HCK: variants seen among roughly 807,000 people sequenced by gnomAD.
The protein encoded by HCK is HCK proto-oncogene, Src family tyrosine kinase, also known as tyrosine-protein kinase HCK.
A neutral mutation model predicts 70.4 loss-of-function variants in HCK; 40 were observed. The ratio of observed to expected loss-of-function variants is 0.57; its 90% confidence interval spans 0.44 to 0.74. The LOEUF (loss-of-function observed/expected upper bound fraction) is 0.74, where lower values mean the gene tolerates loss of function less well. Ranked by LOEUF, HCK falls within the 30% of genes least tolerant of loss-of-function variation. The pLI is 0.00. For synonymous variants in HCK, 245 were observed against 263.2 expected (o/e 0.93, Z 0.67); for missense variants, 568 against 697.2 (o/e 0.81, Z 2.09).
chr20:32,056,563 C>T (rs990320955), intron 1 of HCK, among the ~76,000 whole-genome samples: 1 of 151,898 alleles, frequency 6.6e-6, no homozygotes, highest in Non-Finnish European at 1.5e-5. Flanking sequence ...TGAGGAACTG[C>T]TATGCTGTTT....
chr20:32,057,937 G>A (rs959471170), intron 1 of HCK, among the ~76,000 whole-genome samples: 3 of 152,090 alleles, frequency 2.0e-5, no homozygotes, highest in African/African-American at 7.2e-5. Flanking sequence ...TCTTGGCCCC[G>A]GCTGTGGTCC....
intron 5 of HCK, among the ~76,000 whole-genome samples, chr20:32,075,926 T>C (rs1265710957): frequency 1.3e-5 from 2 of 152,210 alleles, no homozygotes; most frequent in African/African-American, 4.8e-5. Flanking sequence ...ACAGTCCCCA[T>C]TGTTTTGTCT....
chr20:32,056,799 C>A (rs1399405955), intron 1 of HCK, among the ~76,000 whole-genome samples: 1 of 152,128 alleles, frequency 6.6e-6, no homozygotes, highest in Non-Finnish European at 1.5e-5. Context: ...AGGGCTTGGA[C>A]TTTAAACTCT....
intron 8 of HCK, among the ~76,000 whole-genome samples, chr20:32,086,274 C>T (rs1352187907): frequency 2.0e-5 from 3 of 152,196 alleles, no homozygotes; most frequent in Non-Finnish European, 2.9e-5. Flanking sequence ...CCACCTCGGC[C>T]CCCCAAAGTG....
chr20:32,061,284 C>T (rs1367295565), intron 1 of HCK, among the ~76,000 whole-genome samples: 15 of 152,112 alleles, frequency 9.9e-5, no homozygotes, highest in Admixed American at 7.2e-4. Context: ...GCCCAGCTGC[C>T]GTGCCATTCT....
chr20:32,057,100 T>C (rs1423423677), intron 1 of HCK, among the ~76,000 whole-genome samples: 1 of 152,224 alleles, frequency 6.6e-6, no homozygotes, highest in Non-Finnish European at 1.5e-5. Context: ...TTAGCAGCCC[T>C]GAGACTAGAA....
chr20:32,086,608 T>G lies in HCK; in HGVS notation c.836-20T>G, dbSNP rs2045790379. 3.1e-6 allele frequency: 5 copies of G among 1,591,268 alleles called. No individual in the cohort carries two copies. The Admixed American group carries it at 8.8e-5, about 28-fold the overall frequency. ...ACCAGTGGGCTCTGACCACCTTCCC[T>G]GCTCTCTATCCCCCTCCAGCCACCT... On this transcript the variant is annotated intron_variant, in intron 8 of 12. Coordinates refer to ENST00000375852, the MANE Select transcript of HCK (RefSeq NM_002110.5).
chr20:32,071,759 G>A lies in HCK; in HGVS notation c.160G>A (p.Asp54Asn). ...CCCACACTGTCCTGTGTACGTGCCG[G>A]ATCCCACATCCACCATCAAGCCGGT... Residue 54 changes from aspartate to asparagine, a missense_variant, in exon 2 of 13, where the codon GAT (aspartate) becomes AAT (asparagine). Around this residue, in one of 4 missense-constraint regions of HCK, gnomAD observed 318 missense variants for 336.0 expected, o/e 0.95. Transcript: ENST00000375852. The A allele has an allele frequency of 6.2e-7, 1 of 1,613,842 alleles. No homozygotes were observed. The highest frequency in any genetic ancestry group is 8.5e-7 in the Non-Finnish European group (1 of 1,179,910).
chr20:32,073,836 T>C lies in HCK; in HGVS notation c.329+18T>C. ...CTAGAGGAGTGAGTCCCCATCCCAC[T>C]CCCCCTAAGACAGACCTGCCTCCTC... is the stretch of plus-strand genomic sequence containing the variant. On this transcript the variant is annotated intron_variant, in intron 4 of 12. Transcript: ENST00000375852. The C allele has an allele frequency of 2.1e-6, 3 of 1,455,316 alleles. No homozygotes were observed. Among genetic ancestry groups the C allele is most frequent in the Non-Finnish European group, 2.8e-6 (3 of 1,059,016 alleles). The allele number at this position is 1,455,316 out of a possible 1,614,324, so 90.2% of individuals were successfully genotyped here. A position where few individuals can be genotyped will look rare whatever the true frequency, so the allele number is the denominator to read the frequency against.
At chr20:32,064,649 G>A (rs991629340) in intron 1 of HCK, among the ~76,000 whole-genome samples, 7 of 151,984 alleles carry the variant, frequency 4.6e-5, no homozygotes, top group African/African-American at 1.7e-4. Flanking sequence ...GCAGGTTTCT[G>A]CTTAAGCATA....
In HCK at chr20:32,088,564, A is replaced by G. The variant is rs137871550; in HGVS notation, c.1016-4A>G. 1.3e-4 allele frequency: 204 copies of G among 1,610,372 alleles called. No individual in the cohort carries two copies. In the East Asian group the frequency reaches 4.3e-3, roughly 34 times the overall value. On this transcript the variant is annotated splice_region_variant and splice_polypyrimidine_tract_variant and intron_variant, in intron 9 of 12. Transcript: ENST00000375852. ...TAAATGTTCCTCCCCTCTCCCCCATATAGGAAGCTTGCTGGACTTTCTGAA... is the reference window on the plus strand; with the variant it reads ...TAAATGTTCCTCCCCTCTCCCCCATGTAGGAAGCTTGCTGGACTTTCTGAA...
chr20:32,060,672 C>T (rs995027532), intron 1 of HCK, among the ~76,000 whole-genome samples: 5 of 152,186 alleles, frequency 3.3e-5, no homozygotes, highest in Admixed American at 6.5e-5. Context: ...ACATTAGGTG[C>T]ATTAGTCCAG....
At position 32,086,646 on chromosome 20, in the gene HCK, C is replaced by T. The variant is rs779524680; in HGVS notation, c.854C>T (p.Thr285Ile). The stretch of plus-strand genomic sequence containing the variant: ...CCTCCAGCCACCTACAACAAGCACA[C>T]CAAGGTGGCAGTGAAGACGATGAAG... The change falls in exon 9 of 13, where the codon ACC becomes ATC. Residue 285 changes from threonine (T) to isoleucine (I), a missense_variant. Physicochemically the swap from Thr to Ile is moderately conservative, Grantham distance 89. This residue lies in a region of HCK where 160 missense variants were observed against 237.5 expected (regional missense o/e 0.67). Coordinates refer to ENST00000375852, the MANE Select transcript of HCK (RefSeq NM_002110.5). The T allele has an allele frequency of 3.1e-6, 5 of 1,612,166 alleles. No individual in the cohort carries two copies. Among genetic ancestry groups the T allele is most frequent in the Non-Finnish European group, 3.4e-6 (4 of 1,179,264 alleles).
At chr20:32,086,078 G>A (rs1439108029) in intron 8 of HCK, among the ~76,000 whole-genome samples, 3 of 152,172 alleles carry the variant, frequency 2.0e-5, no homozygotes, top group Non-Finnish European at 4.4e-5. Context: ...GGAGTGCAGT[G>A]GCTCAATCTT....
intron 5 of HCK, among the ~76,000 whole-genome samples, chr20:32,077,056 C>T (rs541259742): frequency 1.3e-5 from 2 of 152,246 alleles, no homozygotes; most frequent in African/African-American, 4.8e-5. Flanking sequence ...TGCACTCCAG[C>T]CTGGACAACA....
chr20:32,067,337 C>A (rs949896390), intron 1 of HCK, among the ~76,000 whole-genome samples: 4 of 152,156 alleles, frequency 2.6e-5, no homozygotes, highest in African/African-American at 9.7e-5. Context: ...ATCTCCATAA[C>A]TCATTTCATC....
chr20:32,097,975 T>C (rs946022411), intron 11 of HCK, among the ~76,000 whole-genome samples: 4 of 152,302 alleles, frequency 2.6e-5, no homozygotes, highest in African/African-American at 9.6e-5. Context: ...CCAGGAGTTT[T>C]GAGAACAGGC....
chr20:32,067,903 T>C (rs2045483185), intron 1 of HCK, among the ~76,000 whole-genome samples: 3 of 152,216 alleles, frequency 2.0e-5, no homozygotes, highest in African/African-American at 7.2e-5. Context: ...ATTTATTATA[T>C]GTTAATAATT....
chr20:32,092,907 A>G (rs889605895), intron 10 of HCK, among the ~76,000 whole-genome samples: 2 of 152,098 alleles, frequency 1.3e-5, no homozygotes, highest in African/African-American at 4.8e-5. Flanking sequence ...GCCCAATCCA[A>G]AAAAGCTCTC....
Sources: allele counts gnomAD v4.1 joint callset (sites outside exome capture counted in the v4.1 genomes callset), GRCh38; gene constraint gnomAD v4.1.1; regional missense constraint gnomAD v4.1.1; transcripts MANE v1.5; gene names NCBI Gene and HGNC (gene_info 2026-07-23, HGNC 2026-07-21).